Variants in RAP1GAP2 observed in about 807,000 individuals in gnomAD.
RAP1GAP2 encodes the protein rap1 GTPase-activating protein 2.
In RAP1GAP2, 27 loss-of-function variants were observed where a neutral mutation model predicts 95.0. The observed-to-expected ratio is 0.28, with a 90% CI of 0.21 to 0.39. The LOEUF (loss-of-function observed/expected upper bound fraction) is 0.39. Ranked by LOEUF, RAP1GAP2 falls within the 10% of genes least tolerant of loss-of-function variation. The pLI is 1.00. For missense variants in RAP1GAP2, 771 were observed against 970.0 expected (o/e 0.79, Z 2.72); for synonymous variants, 373 against 380.9 (o/e 0.98, Z 0.24).
chr17:2,899,117 A>G lies in RAP1GAP2; in HGVS notation c.81-6167A>G, dbSNP rs566290181. On this transcript the variant is annotated intron_variant, in intron 2 of 24. Coordinates refer to ENST00000254695, the MANE Select transcript of RAP1GAP2 (RefSeq NM_015085.5). The stretch of plus-strand genomic sequence containing the variant: ...ACTCGGCACCGTGCTTCCTAGGTGC[A>G]TCCGTGTTGTAGCATGCATCAGTTC... Among the ~76,000 whole-genome samples, 4 of 152,300 alleles carry G rather than the reference A, an allele frequency of 2.6e-5. No individual in the cohort carries two copies. The East Asian group carries it at 7.7e-4, about 29-fold the overall frequency.
In RAP1GAP2 at chr17:2,880,595, T is replaced by C. The variant is rs139754281; in HGVS notation, c.81-24689T>C. Among the ~76,000 whole-genome samples the C allele has an allele frequency of 2.7e-3, 405 of 152,070 alleles. 5 individuals are homozygous for C. Among genetic ancestry groups the C allele is most frequent in the African/African-American group, 8.5e-3 (352 of 41,494 alleles). ...ACTACCATTCTCCAGACCATGTTCATCATCCAGATGGAAACTGTATCCATT... is the reference window on the plus strand; with the variant it reads ...ACTACCATTCTCCAGACCATGTTCACCATCCAGATGGAAACTGTATCCATT... On this transcript the variant is annotated intron_variant, in intron 2 of 24. Coordinates refer to ENST00000254695, the MANE Select transcript of RAP1GAP2 (RefSeq NM_015085.5).
At chr17:2,796,330 T>C (rs920285937), upstream of RAP1GAP2, 1 of 619,490 alleles carries the variant, frequency 1.6e-6, no homozygotes, top group Non-Finnish European at 2.9e-6. This position sits in a 1 kb window ranked among gnomAD's most constrained non-coding sequence, Gnocchi z 4.7. Flanking sequence ...TGGTGCCTCC[T>C]GGAGTGCAGG....
rs140400937 is a variant in RAP1GAP2 at position 2,922,794 on chromosome 17, A to G, written c.165+17426A>G. Among the ~76,000 whole-genome samples, 43 of 151,944 alleles carry G rather than the reference A, an allele frequency of 2.8e-4. No individual in the cohort carries two copies. In the East Asian group the frequency reaches 8.1e-3, roughly 29 times the overall value. The stretch of plus-strand genomic sequence containing the variant: ...TTGATCCAGCCTTAAGGATGTGGCA[A>G]TGAACAAAAAAGTGCCCAGTATTTT... On this transcript the variant is annotated intron_variant, in intron 3 of 24. Transcript: ENST00000254695.
At chr17:2,927,386 C>G (rs542659578) in intron 3 of RAP1GAP2, among the ~76,000 whole-genome samples, 2 of 152,252 alleles carry the variant, frequency 1.3e-5, no homozygotes, top group African/African-American at 2.4e-5. Context: ...ATCTCCTGAC[C>G]TCGTGATCCG....
chr17:2,832,391 T>C (rs560997862), intron 2 of RAP1GAP2, among the ~76,000 whole-genome samples: 5 of 149,950 alleles, frequency 3.3e-5, no homozygotes, highest in East Asian at 4.0e-4. Context: ...ACCCCATCTC[T>C]ACTAAAAATA....
intron 2 of RAP1GAP2, among the ~76,000 whole-genome samples, chr17:2,885,883 G>T (rs771828970): frequency 2.3e-4 from 35 of 152,210 alleles, no homozygotes; most frequent in Non-Finnish European, 4.6e-4. Flanking sequence ...TATTGACATT[G>T]ATGCATCATC....
intron 2 of RAP1GAP2, among the ~76,000 whole-genome samples, chr17:2,819,619 G>A (rs567685804): frequency 2.4e-4 from 36 of 151,810 alleles, no homozygotes; most frequent in Non-Finnish European, 4.9e-4. Flanking sequence ...GATTACAGGT[G>A]CATGCCACCA....
chr17:3,013,212 T>G (rs1475677113), intron 17 of RAP1GAP2, among the ~76,000 whole-genome samples: 2 of 152,222 alleles, frequency 1.3e-5, no homozygotes, highest in East Asian at 3.9e-4. Flanking sequence ...CCGCAGTACC[T>G]GCAGGGAGGT....
At chr17:2,781,952 G>T (rs2068672160) in intron 1 of RAP1GAP2, among the ~76,000 whole-genome samples, 1 of 152,172 alleles carries the variant, frequency 6.6e-6, no homozygotes, top group Non-Finnish European at 1.5e-5. Context: ...CTCTGTGTGT[G>T]CATGTCTCTG....
chr17:3,026,184 G>A, intron 20 of RAP1GAP2, 63 bp downstream of exon 20: 1 of 1,394,524 alleles, frequency 7.2e-7, no homozygotes. Context: ...CACGCCCTCT[G>A]CCTCCTGGCC....
intron 2 of RAP1GAP2, among the ~76,000 whole-genome samples, chr17:2,828,157 A>T (rs1173573092): frequency 6.6e-6 from 1 of 152,222 alleles, no homozygotes; most frequent in East Asian, 1.9e-4. Context: ...CCTGGCTAAC[A>T]TGGGGAAACC....
In RAP1GAP2 at chr17:2,862,205, C is replaced by T. The variant is rs117873209; in HGVS notation, c.81-43079C>T. 3.4e-3 allele frequency among the ~76,000 whole-genome samples: 519 copies of T among 152,314 alleles called. 28 individuals carry two copies. In the East Asian group the frequency reaches 0.085, roughly 25 times the overall value. ...GGAGCCAGGGCTCTTCTTGACACTG[C>T]GTTCCTAAGTCTTGGGTCCTGGAAC... is the stretch of plus-strand genomic sequence containing the variant. On this transcript the variant is annotated intron_variant, in intron 2 of 24. Transcript: ENST00000254695.
At chr17:2,779,546 A>G (rs959525283) in intron 1 of RAP1GAP2, among the ~76,000 whole-genome samples, 2 of 152,040 alleles carry the variant, frequency 1.3e-5, no homozygotes, top group East Asian at 1.9e-4. Flanking sequence ...TTCACAGCCT[A>G]TGAATTGGAG....
chr17:2,859,599 C>G (rs767367863), intron 2 of RAP1GAP2, among the ~76,000 whole-genome samples: 2 of 151,760 alleles, frequency 1.3e-5, no homozygotes, highest in Non-Finnish European at 2.9e-5. Flanking sequence ...CAACACCCAG[C>G]TAATTTTTGT....
intron 2 of RAP1GAP2, among the ~76,000 whole-genome samples, chr17:2,820,892 G>GTTTTTTTTTTTTT (rs59814346): frequency 9.6e-5 from 10 of 104,102 alleles, no homozygotes; most frequent in South Asian, 3.6e-4. Context: ...CCGGATAATG[G>GTTTTTTTTTTTTT]TTTTTTTTTT....
At chr17:2,845,327 G>T (rs2071539067) in intron 2 of RAP1GAP2, among the ~76,000 whole-genome samples, 1 of 152,098 alleles carries the variant, frequency 6.6e-6, no homozygotes, top group Non-Finnish European at 1.5e-5. Flanking sequence ...ATTTTTACTA[G>T]AGACGGGGTT....
At chr17:2,936,498 C>T (rs1054689879) in intron 3 of RAP1GAP2, among the ~76,000 whole-genome samples, 6 of 151,914 alleles carry the variant, frequency 3.9e-5, no homozygotes, top group Non-Finnish European at 8.8e-5. Context: ...TCTCCTTCCT[C>T]CCTGCCTCGA....
At chr17:2,766,520 G>T (rs1306686673) in intron 1 of RAP1GAP2, among the ~76,000 whole-genome samples, 1 of 151,968 alleles carries the variant, frequency 6.6e-6, no homozygotes, top group Non-Finnish European at 1.5e-5. Context: ...TGAGGCAGGA[G>T]AATTGCTTGA....
chr17:3,030,256 G>A (rs1390148885), intron 22 of RAP1GAP2, among the ~76,000 whole-genome samples: 1 of 151,716 alleles, frequency 6.6e-6, no homozygotes, highest in Non-Finnish European at 1.5e-5. Flanking sequence ...ATTCGTCAGT[G>A]ACATGAGTCA....
Sources: gnomAD v4.1 joint callset for allele counts (sites outside exome capture counted in the v4.1 genomes callset) on GRCh38, gnomAD v4.1.1 for gene constraint, Gnocchi (gnomAD v3.1) non-coding constraint, MANE v1.5 for transcripts, NCBI Gene and HGNC (gene_info 2026-07-23, HGNC 2026-07-21) for gene names.